The following RAPGEF6 variants were observed in gnomAD, a reference collection of about 807,000 sequenced individuals.
The protein encoded by RAPGEF6 is PDZ domain containing guanine nucleotide exchange factor (GEF) 2.
Under a neutral mutation model 171.4 loss-of-function variants are expected in RAPGEF6, and 56 were observed. The ratio of observed to expected loss-of-function variants is 0.33; its 90% confidence interval spans 0.26 to 0.41. RAPGEF6 has a LOEUF of 0.41. Ranked by LOEUF, RAPGEF6 falls within the 10% of genes least tolerant of loss-of-function variation. The pLI, the probability that RAPGEF6 is intolerant of heterozygous loss-of-function variation, is 1.00. For missense variants in RAPGEF6, 1,674 were observed against 1,921.4 expected (o/e 0.87, Z 2.41); for synonymous variants, 692 against 650.1 (o/e 1.06, Z -0.98).
chr5:131,600,514 G>A (rs1198817732), intron 3 of RAPGEF6, among the ~76,000 whole-genome samples: 1 of 119,154 alleles, frequency 8.4e-6, no homozygotes, highest in African/African-American at 3.2e-5. Flanking sequence ...ATGGTGAGAC[G>A]AAAAGAACTA....
intron 1 of RAPGEF6, among the ~76,000 whole-genome samples, chr5:131,616,600 A>C (rs1765277871): frequency 6.6e-6 from 1 of 152,182 alleles, no homozygotes; most frequent in African/African-American, 2.4e-5. Flanking sequence ...AAAACAAGTG[A>C]ATTTCTTACC....
intron 17 of RAPGEF6, among the ~76,000 whole-genome samples, chr5:131,466,911 A>ATT (rs1754392728): frequency 6.6e-6 from 1 of 152,196 alleles, no homozygotes; most frequent in Non-Finnish European, 1.5e-5. Flanking sequence ...GTCCATAAAA[A>ATT]AGGAACCAAC....
At position 131,539,575 on chromosome 5, in the gene RAPGEF6, C is replaced by T. The variant is rs1323547449; in HGVS notation, c.495+8472G>A. On this transcript the variant is annotated intron_variant, in intron 6 of 27. Coordinates refer to ENST00000509018, the MANE Select transcript of RAPGEF6 (RefSeq NM_016340.6). ...CAGGAATGGCTTGATGAATAAGACA[C>T]ACATACACACACACTCCATAAAAGC... Among the ~76,000 whole-genome samples, 5 of 152,150 alleles carry T rather than the reference C, an allele frequency of 3.3e-5. No homozygotes were observed. In the East Asian group the frequency reaches 7.7e-4, roughly 23 times the overall value.
At chr5:131,455,697 G>T in intron 20 of RAPGEF6, 104 bp downstream of exon 20, 1 of 957,080 alleles carries the variant, frequency 1.0e-6, no homozygotes, top group Non-Finnish European at 1.6e-6. Flanking sequence ...ATAGTGTATA[G>T]TTACCAAATT....
In RAPGEF6 at chr5:131,462,094, T is replaced by G; in HGVS notation, c.2481-6A>C. ...TGTTATTTTTTAAGTAATACCTAAA[T>G]GGAAAAATTTTTTTAAATAAATGTA... On this transcript the variant is annotated splice_polypyrimidine_tract_variant and splice_region_variant and intron_variant, in intron 18 of 27. Transcript: ENST00000509018. 6.8e-7 allele frequency: 1 copy of G among 1,481,046 alleles called. No homozygotes were observed. The highest frequency in any genetic ancestry group is 1.4e-5 in the African/African-American group (1 of 70,492). The allele number at this position is 1,481,046 out of a possible 1,614,324, so 91.7% of individuals were successfully genotyped here.
chr5:131,628,930 C>T (rs1451163868), intron 1 of RAPGEF6, among the ~76,000 whole-genome samples: 1 of 152,186 alleles, frequency 6.6e-6, no homozygotes, highest in Non-Finnish European at 1.5e-5. Flanking sequence ...AATACTACTA[C>T]TCACTGACAA....
At position 131,469,299 on chromosome 5, in the gene RAPGEF6, T is replaced by C. The variant is rs181625909; in HGVS notation, c.2239+3288A>G. ...CTGAGGAGTGGAAACTTTTATATTC[T>C]ATCTTATTCTGGCAGTTTAATTTTT... On this transcript the variant is annotated intron_variant, in intron 17 of 27. Transcript: ENST00000509018. Among the ~76,000 whole-genome samples the C allele has an allele frequency of 3.0e-3, 455 of 152,302 alleles. 7 individuals are homozygous for C. The highest frequency in any genetic ancestry group is 3.4e-3 in the Non-Finnish European group (232 of 67,998).
At chr5:131,495,967 A>C (rs1756612329) in intron 12 of RAPGEF6, among the ~76,000 whole-genome samples, 1 of 152,224 alleles carries the variant, frequency 6.6e-6, no homozygotes, top group African/African-American at 2.4e-5. Context: ...TCATGTCATA[A>C]AGCAGGCAAT....
At chr5:131,605,101 T>C (rs1580663010) in intron 1 of RAPGEF6, among the ~76,000 whole-genome samples, 1 of 152,214 alleles carries the variant, frequency 6.6e-6, no homozygotes, top group Admixed American at 6.5e-5. Context: ...TATGACTTTC[T>C]AAAGAATTTC....
intron 7 of RAPGEF6, among the ~76,000 whole-genome samples, chr5:131,517,780 TACACACACACACACAC>T (rs36091456): frequency 0.012 from 1,739 of 140,486 alleles, 46 homozygotes; most frequent in African/African-American, 0.043. Flanking sequence ...TTCGCGCATG[TACACACACACACACAC>T]ACACACACAC....
At chr5:131,570,853 G>C (rs752634553) in intron 4 of RAPGEF6, among the ~76,000 whole-genome samples, 6 of 151,872 alleles carry the variant, frequency 4.0e-5, no homozygotes, top group Non-Finnish European at 8.8e-5. Flanking sequence ...ACCAGATAAA[G>C]GTCATCTATG....
At chr5:131,441,251 T>C (rs73786678) in intron 23 of RAPGEF6, among the ~76,000 whole-genome samples, 3,821 of 152,330 alleles carry the variant, frequency 0.025, 164 homozygotes, top group African/African-American at 0.085. Flanking sequence ...ATACCACTTA[T>C]CTTGTGGCAT....
chr5:131,431,760 G>A (rs887894254), intron 25 of RAPGEF6, among the ~76,000 whole-genome samples: 1 of 152,062 alleles, frequency 6.6e-6, no homozygotes, highest in Non-Finnish European at 1.5e-5. Context: ...CAGCAGCTGG[G>A]ATGGACCAGA....
intron 6 of RAPGEF6, among the ~76,000 whole-genome samples, chr5:131,528,958 C>T (rs1019094331): frequency 2.0e-5 from 3 of 152,052 alleles, no homozygotes; most frequent in Admixed American, 6.5e-5. Context: ...CAATCAGTGA[C>T]CAGTGACTGG....
chr5:131,535,866 AAAG>A (rs1485854534), intron 6 of RAPGEF6, among the ~76,000 whole-genome samples: 4 of 152,164 alleles, frequency 2.6e-5, no homozygotes, highest in African/African-American at 9.7e-5. Flanking sequence ...ACAACACTGA[AAAG>A]AAGGACAGAG....
rs1168441695 is a variant in RAPGEF6, at chr5:131,440,737, CAAAAA to C, written c.3611-1027_3611-1023del. On this transcript the variant is annotated intron_variant, in intron 23 of 27. Transcript: ENST00000509018. ...TGGGCGACAGAGGGAGACTCTGTCTCAAAAAAAAAAAAAAAAAAAAAAAAGAAAGA... is the reference window on the plus strand; with the variant it reads ...TGGGCGACAGAGGGAGACTCTGTCTCAAAAAAAAAAAAAAAAAAAGAAAGA... Among the ~76,000 whole-genome samples, 4 of 66,848 alleles carry C rather than the reference CAAAAA, an allele frequency of 6.0e-5. No homozygotes were observed. In the East Asian group the frequency reaches 1.6e-3, roughly 26 times the overall value. The allele number at this position is 66,848 out of a possible 152,430, so 43.9% of individuals were successfully genotyped here.
At chr5:131,540,816 A>G (rs970222154) in intron 6 of RAPGEF6, among the ~76,000 whole-genome samples, 2 of 152,178 alleles carry the variant, frequency 1.3e-5, no homozygotes, top group Non-Finnish European at 2.9e-5. Context: ...TTTCATGTTT[A>G]TTGGTCCTGG....
At chr5:131,451,584 C>G (rs1487382546) in intron 21 of RAPGEF6, among the ~76,000 whole-genome samples, 1 of 151,854 alleles carries the variant, frequency 6.6e-6, no homozygotes, top group African/African-American at 2.4e-5. Flanking sequence ...AGTGAGAGAC[C>G]CTGTCTCAAA....
chr5:131,466,973 C>T (rs979717955), intron 17 of RAPGEF6, among the ~76,000 whole-genome samples: 1 of 152,184 alleles, frequency 6.6e-6, no homozygotes, highest in Non-Finnish European at 1.5e-5. Context: ...AAAGTAGGTC[C>T]TAGCTGTCCT....
Sources: allele counts gnomAD v4.1 joint callset (sites outside exome capture counted in the v4.1 genomes callset), GRCh38; gene constraint gnomAD v4.1.1; transcripts MANE v1.5; gene names NCBI Gene and HGNC (gene_info 2026-07-23, HGNC 2026-07-21).